The following PCNX2 variants were observed in gnomAD, a reference collection of about 807,000 sequenced individuals.
PCNX2 encodes the protein pecanex 2.
In PCNX2, 168 loss-of-function variants were observed where a neutral mutation model predicts 223.8. The observed-to-expected ratio is 0.75, with a 90% confidence interval of 0.66 to 0.85. The LOEUF is 0.85. Ranked by LOEUF, PCNX2 falls within the 40% of genes least tolerant of loss-of-function variation. The pLI, the probability that PCNX2 is intolerant of heterozygous loss-of-function variation, is 0.00. For synonymous variants in PCNX2, 1,006 were observed against 1,052.6 expected, an observed-to-expected ratio of 0.96 and a Z score of 0.86; for missense variants, 2,507 against 2,675.5, an observed-to-expected ratio of 0.94 and a Z score of 1.39.
chr1:233,086,324 G>T (rs777398729), intron 23 of PCNX2, among the ~76,000 whole-genome samples: 1 of 152,138 alleles, frequency 6.6e-6, no homozygotes, highest in Non-Finnish European at 1.5e-5. Flanking sequence ...ATCACAGGTG[G>T]CTATTTAAAT....
chr1:233,136,647 T>C (rs1254277667), intron 20 of PCNX2, among the ~76,000 whole-genome samples: 1 of 152,178 alleles, frequency 6.6e-6, no homozygotes, highest in Non-Finnish European at 1.5e-5. Context: ...GCAGCAAGGC[T>C]GAACATTGCT....
chr1:233,119,117 T>C (rs554996806), intron 21 of PCNX2, among the ~76,000 whole-genome samples: 4 of 152,240 alleles, frequency 2.6e-5, no homozygotes, highest in Admixed American at 2.6e-4. Context: ...GACAGTCATT[T>C]CAACAAATGG....
chr1:233,307,024 T>TGTTGG, the PCNX2 span, among the ~76,000 whole-genome samples: 10 of 152,320 alleles, frequency 6.6e-5, no homozygotes, highest in East Asian at 1.9e-3. Context: ...ATAAAGAATC[T>TGTTGG]GTTGGGTAAT....
intron 28 of PCNX2, among the ~76,000 whole-genome samples, chr1:233,008,211 G>C (rs1004218148): frequency 2.8e-4 from 42 of 152,130 alleles, no homozygotes; most frequent in African/African-American, 8.7e-4. Flanking sequence ...CTAAAATCAA[G>C]ACAACCTTTG....
In PCNX2 at chr1:233,107,332, G is replaced by A. The variant is rs1674856192; in HGVS notation, c.3838-11469C>T. 1.3e-5 allele frequency among the ~76,000 whole-genome samples: 2 copies of A among 152,152 alleles called. 1 individual carries two copies. The highest frequency in any genetic ancestry group is 4.1e-4 in the South Asian group (2 of 4,828). ...GAGCCCTGGAGATCCAGGCTGCAGT[G>A]AGCTGTGATCAAGCCACTCCATTCC... On this transcript the variant is annotated intron_variant, in intron 21 of 33. Transcript: ENST00000258229.
At chr1:233,071,805 C>G (rs942640053) in intron 23 of PCNX2, among the ~76,000 whole-genome samples, 3 of 152,174 alleles carry the variant, frequency 2.0e-5, no homozygotes, top group Non-Finnish European at 2.9e-5. Context: ...TTCCCAGCAT[C>G]TGTTATTCTT....
At chr1:233,129,404 C>T (rs771738436) in intron 21 of PCNX2, among the ~76,000 whole-genome samples, 9 of 152,216 alleles carry the variant, frequency 5.9e-5, no homozygotes, top group Non-Finnish European at 8.8e-5. Flanking sequence ...CGCCCCGCCG[C>T]GGTGGGCTCC....
intron 28 of PCNX2, among the ~76,000 whole-genome samples, chr1:233,014,050 G>A (rs900711324): frequency 1.3e-5 from 2 of 152,216 alleles, no homozygotes; most frequent in Admixed American, 6.5e-5. Context: ...TTTGGCATGA[G>A]TACTGTTTCT....
chr1:233,240,339 A>T (rs1658683843), intron 8 of PCNX2, among the ~76,000 whole-genome samples: 1 of 151,874 alleles, frequency 6.6e-6, no homozygotes, highest in South Asian at 2.1e-4. Context: ...ATTCTCTCTC[A>T]TTTTTTTTAA....
intron 5 of PCNX2, among the ~76,000 whole-genome samples, chr1:233,256,145 C>A (rs1281527206): frequency 6.6e-6 from 1 of 152,124 alleles, no homozygotes; most frequent in East Asian, 1.9e-4. Context: ...CCTCAATTTC[C>A]AGTTTAACCC....
At chr1:233,005,156 A>G (rs1670236329) in intron 28 of PCNX2, among the ~76,000 whole-genome samples, 1 of 152,228 alleles carries the variant, frequency 6.6e-6, no homozygotes, top group Non-Finnish European at 1.5e-5. Flanking sequence ...AACTCCTGAA[A>G]AATGGGTGGG....
At position 233,047,566 on chromosome 1, in the gene PCNX2, A is replaced by G. The variant is rs568769397; in HGVS notation, c.4351+6702T>C. On this transcript the variant is annotated intron_variant, in intron 25 of 33. Transcript: ENST00000258229. ...GAGCAGGGGTCACTGTTCTTATATC[A>G]GATAAAACAGACTTTAAACCAACAA... The G allele has an allele frequency of 1.6e-5, 3 of 185,210 alleles. No individual in the cohort carries two copies. The East Asian group carries it at 5.6e-4, about 35-fold the overall frequency. 11.5% of individuals were successfully genotyped at this position (185,210 alleles called of 1,614,324 possible). A position where few individuals can be genotyped will look rare whatever the true frequency, so the allele number is the denominator to read the frequency against.
At chr1:233,074,511 C>T (rs112660075) in intron 23 of PCNX2, among the ~76,000 whole-genome samples, 17 of 136,498 alleles carry the variant, frequency 1.2e-4, no homozygotes, top group South Asian at 2.4e-4. Flanking sequence ...AGGAGAATGG[C>T]GTGAACCCGG....
At chr1:233,308,566 A>G in the PCNX2 span, among the ~76,000 whole-genome samples, 4 of 152,218 alleles carry the variant, frequency 2.6e-5, no homozygotes, top group Admixed American at 6.5e-5. Context: ...ATAGATGTAT[A>G]AAGATATTTA....
At chr1:233,161,868 G>A (rs1025697002) in intron 17 of PCNX2, among the ~76,000 whole-genome samples, 16 of 151,448 alleles carry the variant, frequency 1.1e-4, no homozygotes, top group Admixed American at 2.6e-4. Flanking sequence ...CCTCTTATAC[G>A]TTTCTTATTG....
chr1:233,216,314 C>T (rs867491089), intron 12 of PCNX2, among the ~76,000 whole-genome samples: 4 of 152,232 alleles, frequency 2.6e-5, no homozygotes, highest in South Asian at 4.1e-4. Context: ...TCAGAGTTCA[C>T]AAAATAATGC....
chr1:233,316,777 AC>A, the PCNX2 span, among the ~76,000 whole-genome samples: 2 of 151,832 alleles, frequency 1.3e-5, no homozygotes, highest in Admixed American at 1.3e-4. Context: ...TACCAGGTTA[AC>A]CCCCTCCCCA....
chr1:233,305,558 C>A, the PCNX2 span, among the ~76,000 whole-genome samples: 3 of 152,136 alleles, frequency 2.0e-5, no homozygotes, highest in Admixed American at 1.3e-4. Flanking sequence ...GATCCTCCCC[C>A]ACTCAACCTC....
At chr1:233,197,114 G>C (rs754778587) in intron 15 of PCNX2, among the ~76,000 whole-genome samples, 1 of 152,174 alleles carries the variant, frequency 6.6e-6, no homozygotes, top group Non-Finnish European at 1.5e-5. Flanking sequence ...GCTGGAGATA[G>C]GGGAAGAGAC....
Sources: gnomAD v4.1 joint callset for allele counts (sites outside exome capture counted in the v4.1 genomes callset) on GRCh38, gnomAD v4.1.1 for gene constraint, MANE v1.5 for transcripts, NCBI Gene and HGNC (gene_info 2026-07-23, HGNC 2026-07-21) for gene names.